GLUD1: variants seen among roughly 807,000 people sequenced by gnomAD.
GLUD1 encodes the protein glutamate dehydrogenase 1.
In GLUD1, 22 loss-of-function variants were observed where a neutral mutation model predicts 56.0. That is an observed-to-expected ratio of 0.39 (90% CI 0.28 to 0.56). The LOEUF (loss-of-function observed/expected upper bound fraction) is 0.56, where lower values mean the gene tolerates loss of function less well. Ranked by LOEUF, GLUD1 falls within the 20% of genes least tolerant of loss-of-function variation. The probability of loss-of-function intolerance (pLI) is 0.58; values close to 1 mark genes in which losing one functional copy is unlikely to be tolerated. For synonymous variants in GLUD1, 223 were observed against 269.9 expected, an observed-to-expected ratio of 0.83 and a Z score of 1.70; for missense variants, 451 against 732.0, an observed-to-expected ratio of 0.62 and a Z score of 4.43.
Position 87,080,110 on chromosome 10 carries a change from G to A in GLUD1, c.446-3454C>T, listed in dbSNP as rs544717974. On this transcript the variant is annotated intron_variant, in intron 1 of 12. Transcript: ENST00000277865. ...GCGCCGCCACGCCTGACTGGTTTTC[G>A]TATTTTTTTGGTGGAGACGGGATTT... is the stretch of plus-strand genomic sequence containing the variant. Among the ~76,000 whole-genome samples, 449 of 151,976 alleles carry A rather than the reference G, an allele frequency of 3.0e-3. 2 individuals carry two copies. Among genetic ancestry groups the A allele is most frequent in the African/African-American group, 9.7e-3 (400 of 41,444 alleles).
chr10:87,057,970 G>T (rs1338603504), intron 10 of GLUD1, among the ~76,000 whole-genome samples, 188 bp from the exon 11 acceptor site: 1 of 152,146 alleles, frequency 6.6e-6, no homozygotes, highest in Non-Finnish European at 1.5e-5. Flanking sequence ...CCGGGTTCAC[G>T]CCATTCTCCT....
intron 2 of GLUD1, 132 bp downstream of exon 2, chr10:87,076,444 G>A (rs1846396730): frequency 2.8e-6 from 2 of 715,614 alleles, no homozygotes; most frequent in African/African-American, 1.8e-5. Flanking sequence ...AAATGATGCA[G>A]GTCTTAAAGA....
intron 10 of GLUD1, among the ~76,000 whole-genome samples, chr10:87,058,147 C>T (rs562461659): frequency 3.7e-4 from 57 of 152,282 alleles, no homozygotes; most frequent in African/African-American, 9.6e-4. Flanking sequence ...GGATTACAGG[C>T]GTGAGCCACT....
At chr10:87,077,281 G>A (rs1479124463) in intron 1 of GLUD1, among the ~76,000 whole-genome samples, 1 of 152,052 alleles carries the variant, frequency 6.6e-6, no homozygotes, top group African/African-American at 2.4e-5. Flanking sequence ...AAAGTGCTGG[G>A]ATTACAGGCA....
At chr10:87,070,411 C>T (rs574760326) in intron 4 of GLUD1, among the ~76,000 whole-genome samples, 2 of 151,622 alleles carry the variant, frequency 1.3e-5, no homozygotes, top group African/African-American at 2.4e-5. Flanking sequence ...CCATCCTGGC[C>T]AACGTGGTAA....
chr10:87,077,841 C>A (rs572976060), intron 1 of GLUD1, among the ~76,000 whole-genome samples: 1 of 152,190 alleles, frequency 6.6e-6, no homozygotes, highest in African/African-American at 2.4e-5. Context: ...CCACTCCCAA[C>A]AGATTCAGCC....
intron 4 of GLUD1, among the ~76,000 whole-genome samples, chr10:87,072,240 T>C (rs1846258382): frequency 1.3e-5 from 2 of 152,182 alleles, no homozygotes; most frequent in South Asian, 4.1e-4. Flanking sequence ...TACTCCAGCC[T>C]GGGTGAAAGG....
chr10:87,055,533 T>C (rs1275526251), intron 11 of GLUD1, among the ~76,000 whole-genome samples: 3 of 152,268 alleles, frequency 2.0e-5, no homozygotes, highest in Non-Finnish European at 4.4e-5. Flanking sequence ...TCCGATGCAC[T>C]GCTAGCCACT....
Position 87,057,793 on chromosome 10 carries a change from A to G in GLUD1, c.1403-11T>C, listed in dbSNP as rs886047374. 7.6e-5 allele frequency: 99 copies of G among 1,301,914 alleles called. No individual in the cohort carries two copies. Among genetic ancestry groups the G allele is most frequent in the Admixed American group, 1.7e-5 (1 of 59,554 alleles). The allele number at this position is 1,301,914 out of a possible 1,614,324, so 80.6% of individuals were successfully genotyped here. On this transcript the variant is annotated splice_polypyrimidine_tract_variant and intron_variant, in intron 10 of 12. Transcript: ENST00000277865. The stretch of plus-strand genomic sequence containing the variant: ...TCTCTTGAACAGACACTACAAAAAA[A>G]TAACAAGAGATCAAGATATTGCTAA...
rs190464565 is a variant in GLUD1, at chr10:87,052,345, G to A, written c.1558-475C>T. 5.6e-3 allele frequency among the ~76,000 whole-genome samples: 846 copies of A among 152,082 alleles called. 13 individuals are homozygous for A. The highest frequency in any genetic ancestry group is 0.019 in the African/African-American group (805 of 41,448). On this transcript the variant is annotated intron_variant, in intron 12 of 12. Coordinates refer to ENST00000277865, the MANE Select transcript of GLUD1 (RefSeq NM_005271.5). ...CTATTAAAAATACAAAAAATTAACC[G>A]GGTGTGGGGGTGGGCGCCTGTAATC...
In GLUD1 at chr10:87,062,826, C is replaced by T; in HGVS notation, c.751G>A (p.Ala251Thr). 6.2e-7 allele frequency: 1 copy of T among 1,613,874 alleles called. No individual in the cohort carries two copies. Among genetic ancestry groups the T allele is most frequent in the Non-Finnish European group, 8.5e-7 (1 of 1,179,850 alleles). Residue 251 changes from alanine to threonine, a missense_variant, in exon 6 of 13, where the codon GCA becomes ACA. Transcript: ENST00000277865. ...GGTTTACCAGTAACACAGGCGTGTG[C>T]ATTAATATCCTGTAAGAGGGGGTAA... ...ASTIGHYDIN[A>T]HACVTGKPIS...
chr10:87,092,419 TG>T (rs1307374294), intron 1 of GLUD1, among the ~76,000 whole-genome samples: 2 of 152,370 alleles, frequency 1.3e-5, no homozygotes, highest in East Asian at 1.9e-4. Flanking sequence ...GTTAATAGCA[TG>T]TTTTTTTGTA....
chr10:87,086,019 A>T (rs895047358), intron 1 of GLUD1, among the ~76,000 whole-genome samples: 1 of 152,226 alleles, frequency 6.6e-6, no homozygotes, highest in Non-Finnish European at 1.5e-5. Context: ...AAAAAGTTTC[A>T]AAGGGATAAA....
intron 3 of GLUD1, 105 bp downstream of exon 3, chr10:87,075,863 A>C (rs1466229801): frequency 2.4e-6 from 2 of 822,898 alleles, no homozygotes; most frequent in African/African-American, 3.3e-5. Flanking sequence ...GCAGTGAGCC[A>C]AGATTGCGCC....
intron 5 of GLUD1, among the ~76,000 whole-genome samples, chr10:87,067,112 C>T (rs906671665): frequency 2.7e-4 from 41 of 152,274 alleles, no homozygotes; most frequent in African/African-American, 9.6e-4. Flanking sequence ...GGCGCCAGCA[C>T]AGCTGGACAC....
At chr10:87,075,827 C>T in intron 3 of GLUD1, 141 bp downstream of exon 3, 1 of 695,574 alleles carries the variant, frequency 1.4e-6, no homozygotes, top group Non-Finnish European at 2.6e-6. Flanking sequence ...TCAAGGAGAA[C>T]TGCTTGAACC....
chr10:87,083,473 C>T (rs990207636), intron 1 of GLUD1, among the ~76,000 whole-genome samples: 1 of 152,110 alleles, frequency 6.6e-6, no homozygotes, highest in East Asian at 1.9e-4. Flanking sequence ...ATCAGAAAAT[C>T]TTAAAATATT....
At chr10:87,064,603 T>C (rs1406122123) in intron 5 of GLUD1, among the ~76,000 whole-genome samples, 1 of 152,220 alleles carries the variant, frequency 6.6e-6, no homozygotes, top group Non-Finnish European at 1.5e-5. Flanking sequence ...TCTTTATCTG[T>C]ATTGTTTAAA....
chr10:87,076,155 C>A (rs574737445), intron 2 of GLUD1, 132 bp from the exon 3 acceptor site: 12 of 746,550 alleles, frequency 1.6e-5, no homozygotes, highest in East Asian at 1.0e-4. Flanking sequence ...AATAAACCTA[C>A]CATCATTTTC....
Sources: allele counts gnomAD v4.1 joint callset (sites outside exome capture counted in the v4.1 genomes callset), GRCh38; gene constraint gnomAD v4.1.1; transcripts MANE v1.5; gene names NCBI Gene and HGNC (gene_info 2026-07-23, HGNC 2026-07-21).